PCNX2: variants seen among roughly 807,000 people sequenced by gnomAD.
PCNX2 encodes the protein pecanex 2.
Under a neutral mutation model 223.8 loss-of-function variants are expected in PCNX2, and 168 were observed. The observed-to-expected ratio is 0.75, with a 90% CI of 0.66 to 0.85. The LOEUF (loss-of-function observed/expected upper bound fraction) is 0.85, where lower values mean the gene tolerates loss of function less well. Among genes scored for constraint, PCNX2 ranks in the 40% least tolerant of loss-of-function variants. PCNX2 has a pLI of 0.00. For missense variants in PCNX2, 2,507 were observed against 2,675.5 expected (o/e 0.94, Z 1.39); for synonymous variants, 1,006 against 1,052.6 (o/e 0.96, Z 0.86).
the PCNX2 span, among the ~76,000 whole-genome samples, chr1:233,321,115 T>C: frequency 7.2e-6 from 1 of 138,278 alleles, no homozygotes; most frequent in African/African-American, 2.8e-5. Context: ...GCCTCCGGGG[T>C]TCACGCCATT....
chr1:233,219,564 A>G (rs1043935811), intron 10 of PCNX2, among the ~76,000 whole-genome samples: 1 of 152,058 alleles, frequency 6.6e-6, no homozygotes, highest in Non-Finnish European at 1.5e-5. Flanking sequence ...CTAAGCTGAT[A>G]TTGTTTTTTA....
chr1:233,070,559 C>A (rs1672809330), intron 23 of PCNX2, among the ~76,000 whole-genome samples: 1 of 151,692 alleles, frequency 6.6e-6, no homozygotes, highest in Admixed American at 6.6e-5. Flanking sequence ...TGGTTCAATG[C>A]ACAGAAATCA....
At chr1:233,234,733 T>C (rs1352122783) in intron 9 of PCNX2, among the ~76,000 whole-genome samples, 1 of 152,176 alleles carries the variant, frequency 6.6e-6, no homozygotes. Context: ...TCCTGATACT[T>C]TCATGGAACC....
rs572194611 is a variant in PCNX2 at position 233,043,813 on chromosome 1, G to A, written c.4351+10455C>T. On this transcript the variant is annotated intron_variant, in intron 25 of 33. Coordinates refer to ENST00000258229, the MANE Select transcript of PCNX2 (RefSeq NM_014801.4). ...TTCTTAATCCAGTCTATCATTGTTG[G>A]ACATTTGGGTTGGTTCCAAGTCTTT... Among the ~76,000 whole-genome samples, 486 of 147,432 alleles carry A rather than the reference G, an allele frequency of 3.3e-3. 6 individuals carry two copies. Among genetic ancestry groups the A allele is most frequent in the African/African-American group, 0.012 (463 of 39,538 alleles).
chr1:233,060,603 C>T (rs1672371075), intron 23 of PCNX2, among the ~76,000 whole-genome samples: 1 of 152,116 alleles, frequency 6.6e-6, no homozygotes, highest in African/African-American at 2.4e-5. Context: ...TGGTGCTTAC[C>T]CCTCAAAGGT....
rs140311622 is a variant in PCNX2, at chr1:233,256,460, T to G, written c.1834+1568A>C. On this transcript the variant is annotated intron_variant, in intron 5 of 33. Coordinates refer to ENST00000258229, the MANE Select transcript of PCNX2 (RefSeq NM_014801.4). ...CTATCTGATTCCAAAGTCAGTGCTC[T>G]ATCCACTGGACACACTGCTTCTGGG... Among the ~76,000 whole-genome samples, 141 of 152,316 alleles carry G rather than the reference T, an allele frequency of 9.3e-4. 1 individual carries two copies. In the East Asian group the frequency reaches 0.026, roughly 28 times the overall value.
intron 18 of PCNX2, 37 bp downstream of exon 18, chr1:233,161,234 A>C: frequency 6.4e-7 from 1 of 1,551,870 alleles, no homozygotes; most frequent in East Asian, 2.2e-5. Context: ...AAGGAGAATA[A>C]GGGGGCAGGA....
intron 3 of PCNX2, 66 bp downstream of exon 3, chr1:233,261,979 C>G: frequency 6.3e-7 from 1 of 1,594,800 alleles, no homozygotes; most frequent in Non-Finnish European, 8.6e-7. Flanking sequence ...CTGAACACTC[C>G]CATTCTAGGT....
intron 25 of PCNX2, chr1:233,033,079 G>A: frequency 1.0e-6 from 1 of 985,406 alleles, no homozygotes; most frequent in Non-Finnish European, 1.2e-6. Context: ...CACACAGTGT[G>A]ACCTTTCGAA....
At chr1:233,296,002 C>CTT (rs61285792), upstream of PCNX2, among the ~76,000 whole-genome samples, 4 of 134,518 alleles carry the variant, frequency 3.0e-5, no homozygotes, top group African/African-American at 8.3e-5. Flanking sequence ...TTCTTTCTTT[C>CTT]TTTTTTTTTT....
intron 15 of PCNX2, among the ~76,000 whole-genome samples, chr1:233,186,217 T>A (rs559695619): frequency 1.3e-5 from 2 of 152,340 alleles, no homozygotes; most frequent in Admixed American, 1.3e-4. Context: ...CTGATTTTTT[T>A]ATCGCATTAA....
intron 1 of PCNX2, among the ~76,000 whole-genome samples, chr1:233,274,091 G>A (rs1660789596): frequency 6.6e-6 from 1 of 152,162 alleles, no homozygotes. Context: ...CCCCTTGGGG[G>A]GAGTTGTTGC....
At chr1:233,294,811 A>G (rs1316683163) in intron 1 of PCNX2, among the ~76,000 whole-genome samples, 1 of 149,892 alleles carries the variant, frequency 6.7e-6, no homozygotes, top group Non-Finnish European at 1.5e-5. Context: ...ACAGATTTCT[A>G]TACATAGTGG....
rs1558146253 is a variant in PCNX2, at chr1:232,990,774, G to GT, written c.5792-4235dup. Among the ~76,000 whole-genome samples the GT allele has an allele frequency of 6.6e-6, 1 of 152,184 alleles. No individual in the cohort carries two copies. Among genetic ancestry groups the GT allele is most frequent in the Non-Finnish European group, 1.5e-5 (1 of 68,026 alleles). On this transcript the variant is annotated intron_variant, in intron 32 of 33. Transcript: ENST00000258229. This position sits in a 1 kb window ranked among gnomAD's most constrained non-coding sequence, Gnocchi z 4.3. ...AGCTCCCACCCACTCCTGCTTGGCCGTGTGCTGGGTTCCCAGGACTCCAGA... is the reference window on the plus strand; with the variant it reads ...AGCTCCCACCCACTCCTGCTTGGCCGTTGTGCTGGGTTCCCAGGACTCCAGA...
intron 17 of PCNX2, among the ~76,000 whole-genome samples, chr1:233,166,815 C>T (rs1377880417): frequency 6.6e-6 from 1 of 151,960 alleles, no homozygotes; most frequent in Non-Finnish European, 1.5e-5. Flanking sequence ...ATAGGTGCAA[C>T]CCATTATGAA....
At chr1:233,098,865 T>C (rs984163315) in intron 21 of PCNX2, among the ~76,000 whole-genome samples, 3 of 152,232 alleles carry the variant, frequency 2.0e-5, no homozygotes, top group Admixed American at 6.5e-5. Flanking sequence ...CCTCAAAGTG[T>C]CATCTGAGGA....
At chr1:233,063,890 T>C (rs1035328274) in intron 23 of PCNX2, among the ~76,000 whole-genome samples, 1 of 152,200 alleles carries the variant, frequency 6.6e-6, no homozygotes, top group Non-Finnish European at 1.5e-5. Context: ...AGTTTAGCTG[T>C]GTTTAATTTA....
At chr1:232,999,878 T>C (rs990201644) in intron 30 of PCNX2, among the ~76,000 whole-genome samples, 1 of 152,134 alleles carries the variant, frequency 6.6e-6, no homozygotes, top group African/African-American at 2.4e-5. Context: ...GCAGAGAAAG[T>C]AGTTTTTGTT....
intron 8 of PCNX2, among the ~76,000 whole-genome samples, chr1:233,246,402 G>A (rs975003497): frequency 2.0e-5 from 3 of 152,330 alleles, no homozygotes; most frequent in East Asian, 1.9e-4. Context: ...CATGGTGGGG[G>A]ATGGGAGCAG....
Sources: allele counts gnomAD v4.1 joint callset (sites outside exome capture counted in the v4.1 genomes callset), GRCh38; gene constraint gnomAD v4.1.1; non-coding constraint Gnocchi (gnomAD v3.1); transcripts MANE v1.5; gene names NCBI Gene and HGNC (gene_info 2026-07-23, HGNC 2026-07-21).